Variants in POLK observed in about 807,000 individuals in gnomAD.
POLK encodes DNA polymerase kappa.
In POLK, 76 loss-of-function variants were observed where a neutral mutation model predicts 94.0. That is an observed-to-expected ratio of 0.81 (90% CI 0.67 to 0.98). The LOEUF (loss-of-function observed/expected upper bound fraction) is 0.98, where lower values mean the gene tolerates loss of function less well. Among genes scored for constraint, POLK ranks in the 50% least tolerant of loss-of-function variants. The pLI, the probability that POLK is intolerant of heterozygous loss-of-function variation, is 0.00. For missense variants in POLK, 954 were observed against 1,010.1 expected (o/e 0.94, Z 0.75); for synonymous variants, 349 against 325.4 (o/e 1.07, Z -0.78).
At chr5:75,552,629 G>GAAT (rs767104611) in intron 3 of POLK, 38 bp downstream of exon 3, 1 of 1,549,244 alleles carries the variant, frequency 6.5e-7, no homozygotes, top group African/African-American at 1.4e-5. Context: ...GAAGCTGGTA[G>GAAT]AATAGTAATT....
At chr5:75,565,906 C>T (rs899071906) in intron 3 of POLK, among the ~76,000 whole-genome samples, 13 of 152,224 alleles carry the variant, frequency 8.5e-5, no homozygotes, top group African/African-American at 1.9e-4. Flanking sequence ...CTGGGCGATC[C>T]GCTGCTCTCT....
Position 75,581,933 on chromosome 5 carries a change from C to A in POLK, c.934+485C>A, listed in dbSNP as rs550245477. On this transcript the variant is annotated intron_variant, in intron 7 of 14. Transcript: ENST00000241436. Reference sequence around the variant, plus strand: ...TGACCTCATGATCCGCCCACCTTGGCCTCCCAAAGTGCTGGGATTACAGGC... The same window carrying A: ...TGACCTCATGATCCGCCCACCTTGGACTCCCAAAGTGCTGGGATTACAGGC... 620 of 488,464 alleles carry A rather than the reference C, an allele frequency of 1.3e-3. 3 individuals carry two copies. The highest frequency in any genetic ancestry group is 1.5e-3 in the Non-Finnish European group (571 of 377,258). 30.3% of individuals were successfully genotyped at this position (488,464 alleles called of 1,614,324 possible).
At chr5:75,582,210 C>T (rs1299844452) in intron 7 of POLK, 1 of 747,930 alleles carries the variant, frequency 1.3e-6, no homozygotes, top group Non-Finnish European at 1.6e-6. Flanking sequence ...ATGTTGATAA[C>T]CCATGAGGCC....
At chr5:75,512,546 A>G (rs1179548829) in intron 1 of POLK, 1 of 152,170 alleles carries the variant, frequency 6.6e-6, no homozygotes, top group Admixed American at 6.5e-5. Flanking sequence ...ACCGAAGTGC[A>G]GTGGTTTTGT....
chr5:75,588,394 ATAAT>A (rs1228202869), intron 10 of POLK, among the ~76,000 whole-genome samples: 1 of 152,232 alleles, frequency 6.6e-6, no homozygotes, highest in Non-Finnish European at 1.5e-5. Flanking sequence ...AAAGTTCTAA[ATAAT>A]TAACAGAAAA....
chr5:75,577,337 T>C (rs544300272), intron 6 of POLK, among the ~76,000 whole-genome samples: 9 of 152,312 alleles, frequency 5.9e-5, no homozygotes, highest in African/African-American at 2.2e-4. Flanking sequence ...GATTCTATTT[T>C]TCTTCATTTT....
Position 75,569,325 on chromosome 5 carries a change from T to A in POLK, c.256-15T>A. The A allele has an allele frequency of 1.3e-6, 2 of 1,587,278 alleles. No individual in the cohort carries two copies. The highest frequency in any genetic ancestry group is 1.7e-6 in the Non-Finnish European group (2 of 1,163,138). ...ATGTTGTCTAAAAGTATGTTAACTT[T>A]TTTAAAAAATTAAGGTTGACAGATT... On this transcript the variant is annotated splice_polypyrimidine_tract_variant and intron_variant, in intron 3 of 14. Transcript: ENST00000241436.
At chr5:75,593,319 A>T (rs573257549) in intron 11 of POLK, among the ~76,000 whole-genome samples, 4 of 152,084 alleles carry the variant, frequency 2.6e-5, no homozygotes, top group African/African-American at 9.6e-5. Context: ...TTTATTAGAG[A>T]CAGGGTTTCA....
chr5:75,569,620 A>G, intron 4 of POLK, 128 bp downstream of exon 4: 1 of 740,502 alleles, frequency 1.4e-6, no homozygotes, highest in Non-Finnish European at 2.2e-6. Flanking sequence ...TGCCTTATAT[A>G]TGACTCAATT....
chr5:75,596,848 TTAAG>T lies in POLK; in HGVS notation c.2159_2162del (p.Ser720IlefsTer51). The T allele has an allele frequency of 6.2e-7, 1 of 1,613,430 alleles. No homozygotes were observed. Among genetic ancestry groups the T allele is most frequent in the African/African-American group, 1.3e-5 (1 of 75,044 alleles). On this transcript the variant is annotated frameshift_variant, in exon 13 of 15. Coordinates refer to ENST00000241436, the Ensembl canonical transcript of POLK. LOFTEE classifies it high-confidence loss of function. ...ATCTAAAGCAGAAAGCATAGATGCT[TTAAG>T]TAATAAGCATAGCAAGGAAGAATGT...
At chr5:75,526,619 T>A (rs1204369969) in intron 1 of POLK, among the ~76,000 whole-genome samples, 3 of 149,970 alleles carry the variant, frequency 2.0e-5, no homozygotes, top group Non-Finnish European at 4.4e-5. Context: ...TCTCGCTCCG[T>A]CGCCCAGGCT....
At chr5:75,548,511 A>C (rs1402212640) in intron 2 of POLK, among the ~76,000 whole-genome samples, 1 of 149,590 alleles carries the variant, frequency 6.7e-6, no homozygotes, top group Non-Finnish European at 1.5e-5. Flanking sequence ...AATGTATATC[A>C]ATATTAATAT....
chr5:75,557,384 A>G (rs1303163667), intron 3 of POLK, among the ~76,000 whole-genome samples: 1 of 152,186 alleles, frequency 6.6e-6, no homozygotes, highest in African/African-American at 2.4e-5. Flanking sequence ...TGGGATTTTG[A>G]CTAGGATTGC....
At chr5:75,536,279 G>A (rs1769442089) in intron 1 of POLK, among the ~76,000 whole-genome samples, 2 of 152,138 alleles carry the variant, frequency 1.3e-5, no homozygotes, top group Non-Finnish European at 2.9e-5. Flanking sequence ...GGTCCACAGG[G>A]CTTCCTCAGT....
Position 75,527,495 on chromosome 5 carries a change from T to TTA in POLK, c.-14+15588_-14+15589dup, listed in dbSNP as rs1417486588. Among the ~76,000 whole-genome samples the TTA allele has an allele frequency of 8.5e-3, 979 of 115,168 alleles. 15 individuals are homozygous for TTA. Among genetic ancestry groups the TTA allele is most frequent in the African/African-American group, 0.033 (897 of 27,474 alleles). The allele number at this position is 115,168 out of a possible 152,430, so 75.6% of individuals were successfully genotyped here. ...ACCCTGTCTCAAAAAAAAAAAAAAT[T>TTA]TATATATACACACACACACACACAC... On this transcript the variant is annotated intron_variant, in intron 1 of 14. Coordinates refer to ENST00000241436, the Ensembl canonical transcript of POLK.
At chr5:75,604,759 T>C (rs1441613835), downstream of POLK, among the ~76,000 whole-genome samples, 1 of 152,212 alleles carries the variant, frequency 6.6e-6, no homozygotes, top group African/African-American at 2.4e-5. Context: ...TGGTAGGATT[T>C]TAGTAAACCT....
chr5:75,599,066 C>A (rs891543394), exon 15 of POLK: 1 of 151,496 alleles, frequency 6.6e-6, no homozygotes, highest in African/African-American at 2.4e-5. Context: ...CATGGTGAGA[C>A]CCTGTCTCTA....
chr5:75,559,523 G>GTTTTT (rs775525619), intron 3 of POLK, among the ~76,000 whole-genome samples: 1,309 of 54,628 alleles, frequency 0.024, 4 homozygotes, highest in Non-Finnish European at 0.035. Context: ...GTTTTGTTTT[G>GTTTTT]TTTTTTTTTT....
intron 2 of POLK, 134 bp from the exon 3 acceptor site, chr5:75,552,338 C>A: frequency 1.5e-6 from 1 of 689,192 alleles, no homozygotes; most frequent in Non-Finnish European, 2.3e-6. Flanking sequence ...GGTCACCTAG[C>A]TAGTAAGTAG....
Sources: allele counts gnomAD v4.1 joint callset (sites outside exome capture counted in the v4.1 genomes callset), GRCh38; gene constraint gnomAD v4.1.1; transcripts MANE v1.5; gene names NCBI Gene and HGNC (gene_info 2026-07-23, HGNC 2026-07-21).